The following ATXN1 variants were observed in gnomAD, a reference collection of about 807,000 sequenced individuals.
ATXN1 encodes the protein ataxin-1.
In ATXN1, 8 loss-of-function variants were observed where a neutral mutation model predicts 56.4. That is an observed-to-expected ratio of 0.14 (90% CI 0.08 to 0.26). The LOEUF is 0.26. Among genes scored for constraint, ATXN1 ranks in the 10% least tolerant of loss-of-function variants. The pLI is 1.00. For missense variants in ATXN1, 987 were observed against 1,106.5 expected (o/e 0.89, Z 1.53); for synonymous variants, 514 against 494.6 (o/e 1.04, Z -0.52).
intron 6 of ATXN1, among the ~76,000 whole-genome samples, chr6:16,370,941 A>C (rs1762028063): frequency 6.6e-6 from 1 of 152,230 alleles, no homozygotes; most frequent in Non-Finnish European, 1.5e-5. Flanking sequence ...GCAAATATTA[A>C]TTGAGTCTTA....
intron 3 of ATXN1, among the ~76,000 whole-genome samples, chr6:16,598,944 G>C (rs1412073517): frequency 6.6e-6 from 1 of 152,198 alleles, no homozygotes; most frequent in Non-Finnish European, 1.5e-5. Flanking sequence ...ATGTGCATCT[G>C]GACAGCTTTA....
At chr6:16,521,161 C>G (rs571275931) in intron 5 of ATXN1, among the ~76,000 whole-genome samples, 1 of 152,318 alleles carries the variant, frequency 6.6e-6, no homozygotes, top group South Asian at 2.1e-4. Flanking sequence ...ACCACACACA[C>G]AGTCAAGTTT....
At chr6:16,369,881 T>G (rs866617560) in intron 6 of ATXN1, among the ~76,000 whole-genome samples, 2 of 152,208 alleles carry the variant, frequency 1.3e-5, no homozygotes, top group African/African-American at 4.8e-5. Flanking sequence ...ACATGAACTA[T>G]GAAGCTATTA....
At position 16,393,743 on chromosome 6, in the gene ATXN1, C is replaced by T. The variant is rs1029309472; in HGVS notation, c.-160-65273G>A. 3.3e-5 allele frequency among the ~76,000 whole-genome samples: 5 copies of T among 152,106 alleles called. No individual in the cohort carries two copies. In the East Asian group the frequency reaches 7.7e-4, roughly 23 times the overall value. ...TTTAAAATATGCTTTTTAGGCCAGACGCAGTGGCTCACACCTGTAATCCCA... is the reference window on the plus strand; with the variant it reads ...TTTAAAATATGCTTTTTAGGCCAGATGCAGTGGCTCACACCTGTAATCCCA... On this transcript the variant is annotated intron_variant, in intron 6 of 7. Transcript: ENST00000436367.
chr6:16,414,370 G>A (rs2113555964), intron 6 of ATXN1, among the ~76,000 whole-genome samples: 1 of 152,308 alleles, frequency 6.6e-6, no homozygotes, highest in Middle Eastern at 3.4e-3. Context: ...ATTTTGGTAT[G>A]ATTCTTGCAG....
chr6:16,483,616 G>T (rs1241545218), intron 6 of ATXN1, among the ~76,000 whole-genome samples: 1 of 152,170 alleles, frequency 6.6e-6, no homozygotes, highest in Non-Finnish European at 1.5e-5. Context: ...GTATTTCCTT[G>T]CTCTCTCAAC....
chr6:16,403,436 G>A (rs375226770), intron 6 of ATXN1, among the ~76,000 whole-genome samples: 2 of 152,180 alleles, frequency 1.3e-5, no homozygotes, highest in African/African-American at 4.8e-5. Flanking sequence ...CTTCAGCCTT[G>A]ACCTTCTGGG....
chr6:16,753,755 AT>A (rs1253214103), intron 1 of ATXN1, among the ~76,000 whole-genome samples: 1 of 152,232 alleles, frequency 6.6e-6, no homozygotes, highest in African/African-American at 2.4e-5. Flanking sequence ...TGTGGCATAT[AT>A]TATCTATCAA....
chr6:16,449,083 C>A (rs555880987), intron 6 of ATXN1, among the ~76,000 whole-genome samples: 2 of 106,542 alleles, frequency 1.9e-5, no homozygotes, highest in South Asian at 3.0e-4. Context: ...ATAAAGGTAT[C>A]CCGTCATCTC....
rs1438219599 is a variant in ATXN1, at chr6:16,301,704, G to A, written c.*4625C>T. The A allele has an allele frequency of 6.6e-6, 1 of 152,486 alleles. No homozygotes were observed. Among genetic ancestry groups the A allele is most frequent in the Non-Finnish European group, 1.5e-5 (1 of 68,020 alleles). The allele number at this position is 152,486 out of a possible 1,614,324, so 9.4% of individuals were successfully genotyped here. A position where few individuals can be genotyped will look rare whatever the true frequency, so the allele number is the denominator to read the frequency against. On this transcript the variant is annotated 3_prime_UTR_variant, in exon 8 of 8. Coordinates refer to ENST00000436367, the MANE Select transcript of ATXN1 (RefSeq NM_001128164.2). Reference sequence around the variant, plus strand: ...ACCTGGTGCAAATTGAAGTGCAAAGGGTTTCAGAAGGCAACAGACCAGTCT... The same window carrying A: ...ACCTGGTGCAAATTGAAGTGCAAAGAGTTTCAGAAGGCAACAGACCAGTCT...
chr6:16,327,857 C>T lies in ATXN1; in HGVS notation c.454G>A (p.Ala152Thr), dbSNP rs759884491. ...FIPSQLIPPT[A>T]NPVTSAVASA... The stretch of plus-strand genomic sequence containing the variant: ...GCCACTGCACTGGTGACGGGGTTGG[C>T]GGTTGGGGGGATCAGCTGTGATGGG... Residue 152 changes from alanine to threonine, a missense_variant, in exon 7 of 8, where the codon GCC (alanine) becomes ACC (threonine). This residue lies in a region of ATXN1 where 723 missense variants were observed against 791.7 expected (regional missense o/e 0.91). Coordinates refer to ENST00000436367, the MANE Select transcript of ATXN1 (RefSeq NM_001128164.2). The T allele has an allele frequency of 8.1e-6, 13 of 1,607,218 alleles. No homozygotes were observed. The highest frequency in any genetic ancestry group is 2.7e-5 in the African/African-American group (2 of 74,806).
chr6:16,484,955 GT>G (rs1561720439), intron 6 of ATXN1, among the ~76,000 whole-genome samples: 5 of 108,108 alleles, frequency 4.6e-5, no homozygotes, highest in African/African-American at 1.5e-4. Context: ...ATATGTGTGT[GT>G]GTGTGTGTGT....
At chr6:16,563,236 A>T (rs781739425) in intron 4 of ATXN1, among the ~76,000 whole-genome samples, 5 of 152,194 alleles carry the variant, frequency 3.3e-5, no homozygotes, top group Non-Finnish European at 7.3e-5. Context: ...TTTGGAATAG[A>T]TCCCATAAGA....
intron 2 of ATXN1, among the ~76,000 whole-genome samples, chr6:16,696,682 C>T (rs890982903): frequency 5.9e-5 from 9 of 152,128 alleles, no homozygotes; most frequent in Non-Finnish European, 1.2e-4. Context: ...TTAAGAATTA[C>T]GGTTTTGCAT....
intron 4 of ATXN1, among the ~76,000 whole-genome samples, chr6:16,545,073 G>A (rs1257090936): frequency 3.9e-5 from 6 of 152,138 alleles, no homozygotes; most frequent in Non-Finnish European, 4.4e-5. Context: ...TGGCAAATAC[G>A]CATTCCATGT....
chr6:16,706,591 A>G (rs559386), intron 2 of ATXN1, among the ~76,000 whole-genome samples: 127,193 of 151,910 alleles, frequency 0.84, 53,502 homozygotes, highest in East Asian at 1. Flanking sequence ...CGTGCGTGGT[A>G]GTGCACACTT....
chr6:16,566,823 T>C (rs1474920206), intron 4 of ATXN1, among the ~76,000 whole-genome samples: 1 of 152,022 alleles, frequency 6.6e-6, no homozygotes, highest in Non-Finnish European at 1.5e-5. Context: ...ACCACTGCAC[T>C]CCAGCCTGGG....
chr6:16,498,188 T>C (rs1760814177), intron 5 of ATXN1, among the ~76,000 whole-genome samples: 1 of 152,198 alleles, frequency 6.6e-6, no homozygotes, highest in South Asian at 2.1e-4. Context: ...ATCTACTTTC[T>C]GACTCTAAGG....
intron 2 of ATXN1, among the ~76,000 whole-genome samples, chr6:16,742,643 G>A (rs1760381262): frequency 1.3e-5 from 2 of 152,194 alleles, no homozygotes; most frequent in Non-Finnish European, 1.5e-5. Context: ...TCCACCTGGA[G>A]AAGGCGTCCT....
Sources: allele counts gnomAD v4.1 joint callset (sites outside exome capture counted in the v4.1 genomes callset), GRCh38; gene constraint gnomAD v4.1.1; regional missense constraint gnomAD v4.1.1; transcripts MANE v1.5; gene names NCBI Gene and HGNC (gene_info 2026-07-23, HGNC 2026-07-21).